The following DKK2 variants were observed in gnomAD, a reference collection of about 807,000 sequenced individuals.
DKK2 encodes dickkopf Wnt signaling pathway inhibitor 2.
Under a neutral mutation model 28.1 loss-of-function variants are expected in DKK2, and 11 were observed. That is an observed-to-expected ratio of 0.39 (90% CI 0.25 to 0.65). The LOEUF (loss-of-function observed/expected upper bound fraction) is 0.65. DKK2 is among the 30% of genes least tolerant of loss of function. The pLI is 0.47. For synonymous variants in DKK2, 135 were observed against 126.5 expected, an observed-to-expected ratio of 1.07 and a Z score of -0.45; for missense variants, 326 against 335.5, an observed-to-expected ratio of 0.97 and a Z score of 0.22.
At chr4:106,931,515 A>G (rs149329262) in intron 1 of DKK2, among the ~76,000 whole-genome samples, 157 of 152,260 alleles carry the variant, frequency 1.0e-3, no homozygotes, top group African/African-American at 3.6e-3. Flanking sequence ...ATAATGTTAA[A>G]CATTTTCTAA....
In DKK2 at chr4:107,035,691, G is replaced by A; in HGVS notation, c.-100C>T. Reference sequence around the variant, plus strand: ...ACGGGGCCCCTCACTTGGGTCGCGGGGGCTTGCAGATTGTGTTCCCTCAAC... The same window carrying A: ...ACGGGGCCCCTCACTTGGGTCGCGGAGGCTTGCAGATTGTGTTCCCTCAAC... On this transcript the variant is annotated 5_prime_UTR_variant, in exon 1 of 4. Transcript: ENST00000285311. 3 of 1,258,838 alleles carry A rather than the reference G, an allele frequency of 2.4e-6. No homozygotes were observed. Among genetic ancestry groups the A allele is most frequent in the South Asian group, 1.3e-5 (1 of 75,986 alleles). The allele number at this position is 1,258,838 out of a possible 1,614,324, so 78.0% of individuals were successfully genotyped here. A position where few individuals can be genotyped will look rare whatever the true frequency, so the allele number is the denominator to read the frequency against.
intron 1 of DKK2, among the ~76,000 whole-genome samples, chr4:106,996,941 G>A (rs1723280244): frequency 6.6e-6 from 1 of 152,048 alleles, no homozygotes; most frequent in Admixed American, 6.6e-5. Context: ...TAACAAACCT[G>A]CTCATGTAAC....
intron 1 of DKK2, among the ~76,000 whole-genome samples, chr4:106,956,192 AC>A (rs1217619460): frequency 6.6e-6 from 1 of 152,228 alleles, no homozygotes; most frequent in Non-Finnish European, 1.5e-5. Flanking sequence ...AATCCAACTT[AC>A]AAGGGACGTG....
intron 1 of DKK2, among the ~76,000 whole-genome samples, chr4:106,965,007 T>TAGATA (rs35161719): frequency 0.016 from 2,075 of 126,200 alleles, 20 homozygotes; most frequent in Middle Eastern, 0.033. Flanking sequence ...ATAGATAGAT[T>TAGATA]GATTGATTCT....
chr4:106,969,987 CT>C (rs949698486), intron 1 of DKK2, among the ~76,000 whole-genome samples: 3 of 152,190 alleles, frequency 2.0e-5, no homozygotes, highest in African/African-American at 7.2e-5. Context: ...TTAGATAAAA[CT>C]TTATGAAAAC....
In DKK2 at chr4:106,923,821, G is replaced by GTGATCA; in HGVS notation, c.*127_*132dup. The GTGATCA allele has an allele frequency of 1.6e-6, 2 of 1,243,516 alleles. No individual in the cohort carries two copies. The highest frequency in any genetic ancestry group is 2.2e-6 in the Non-Finnish European group (2 of 901,994). The allele number at this position is 1,243,516 out of a possible 1,614,324, so 77.0% of individuals were successfully genotyped here. A position where few individuals can be genotyped will look rare whatever the true frequency, so the allele number is the denominator to read the frequency against. ...GTTCATGTTTTCTTTCTCCCTTTTTGTGATCATCTATATTCTTATCACGTT... is the reference window on the plus strand; with the variant it reads ...GTTCATGTTTTCTTTCTCCCTTTTTGTGATCATGATCATCTATATTCTTATCACGTT... On this transcript the variant is annotated 3_prime_UTR_variant, in exon 4 of 4. Coordinates refer to ENST00000285311, the MANE Select transcript of DKK2 (RefSeq NM_014421.3).
At chr4:106,941,688 T>C (rs1724701671) in intron 1 of DKK2, among the ~76,000 whole-genome samples, 1 of 152,224 alleles carries the variant, frequency 6.6e-6, no homozygotes, top group East Asian at 1.9e-4. Context: ...TTGGGCAGCG[T>C]CAGAGTTTCA....
intron 1 of DKK2, among the ~76,000 whole-genome samples, chr4:106,932,303 C>T (rs997154377): frequency 6.6e-6 from 1 of 152,116 alleles, no homozygotes; most frequent in Non-Finnish European, 1.5e-5. Flanking sequence ...CCAATGTATT[C>T]AGAAAGCGTC....
At chr4:107,015,555 T>C (rs1723585365) in intron 1 of DKK2, among the ~76,000 whole-genome samples, 3 of 151,768 alleles carry the variant, frequency 2.0e-5, no homozygotes, top group Admixed American at 2.0e-4. Context: ...TTGGATAAAC[T>C]AGTATTCTTA....
intron 1 of DKK2, among the ~76,000 whole-genome samples, chr4:106,973,797 G>A (rs755597387): frequency 1.3e-5 from 2 of 152,184 alleles, no homozygotes; most frequent in African/African-American, 2.4e-5. Flanking sequence ...TTTTAGTCAT[G>A]AAGTCTTTGC....
chr4:106,977,724 G>A (rs570869795), intron 1 of DKK2, among the ~76,000 whole-genome samples: 5 of 152,168 alleles, frequency 3.3e-5, no homozygotes, highest in Non-Finnish European at 5.9e-5. Context: ...CCCACCTTCC[G>A]AAGCCTACTT....
chr4:107,027,755 G>GTTTTTTTTTTTTTTTTTTTTTTTT (rs1404063316), intron 1 of DKK2, among the ~76,000 whole-genome samples: 1 of 124,034 alleles, frequency 8.1e-6, no homozygotes, highest in African/African-American at 2.9e-5. Context: ...CACCTATTAT[G>GTTTTTTTTTTTTTTTTTTTTTTTT]ATTTTTTTTT....
chr4:106,971,022 C>CTGAA (rs1394595940), intron 1 of DKK2, among the ~76,000 whole-genome samples: 1 of 152,076 alleles, frequency 6.6e-6, no homozygotes, highest in Non-Finnish European at 1.5e-5. Context: ...CTTTGCTTTA[C>CTGAA]TGAAGTAAAC....
intron 1 of DKK2, among the ~76,000 whole-genome samples, chr4:106,933,462 A>G (rs1227552538): frequency 6.6e-6 from 1 of 152,228 alleles, no homozygotes; most frequent in Non-Finnish European, 1.5e-5. Flanking sequence ...ATGAAAAAGT[A>G]AAATAACACA....
intron 1 of DKK2, among the ~76,000 whole-genome samples, chr4:106,961,418 AT>A (rs1722682219): frequency 1.3e-5 from 2 of 152,142 alleles, no homozygotes; most frequent in South Asian, 4.1e-4. Context: ...ATTTTCCTAA[AT>A]TTTTAATCTT....
chr4:106,959,405 G>A (rs1246694799), intron 1 of DKK2, among the ~76,000 whole-genome samples: 2 of 152,014 alleles, frequency 1.3e-5, no homozygotes, highest in African/African-American at 2.4e-5. Context: ...CTCAACCCAA[G>A]GAAATTACTA....
chr4:107,024,355 C>T (rs560793630), intron 1 of DKK2, among the ~76,000 whole-genome samples: 3 of 152,142 alleles, frequency 2.0e-5, no homozygotes, highest in South Asian at 4.2e-4. Flanking sequence ...TGTAGCCTGC[C>T]TGCAAGAACA....
intron 1 of DKK2, among the ~76,000 whole-genome samples, chr4:107,017,473 C>A (rs1044782060): frequency 2.0e-5 from 3 of 151,810 alleles, no homozygotes; most frequent in Non-Finnish European, 4.4e-5. Flanking sequence ...GAATCAGAGA[C>A]CAAGTAACGA....
Position 107,035,367 on chromosome 4 carries a change from T to C in DKK2, c.222+3A>G, listed in dbSNP as rs1723946954. 2 of 1,613,982 alleles carry C rather than the reference T, an allele frequency of 1.2e-6. No homozygotes were observed. Among genetic ancestry groups the C allele is most frequent in the Non-Finnish European group, 8.5e-7 (1 of 1,179,934 alleles). The stretch of plus-strand genomic sequence containing the variant: ...TGAAGAATGTGTTTGGGGGTTTTCC[T>C]ACCTGCCCCAGGTTTTTGCCCTTCT... On this transcript the variant is annotated splice_donor_region_variant and intron_variant, in intron 1 of 3. Coordinates refer to ENST00000285311, the MANE Select transcript of DKK2 (RefSeq NM_014421.3).
Sources: gnomAD v4.1 joint callset for allele counts (sites outside exome capture counted in the v4.1 genomes callset) on GRCh38, gnomAD v4.1.1 for gene constraint, MANE v1.5 for transcripts, NCBI Gene and HGNC (gene_info 2026-07-23, HGNC 2026-07-21) for gene names.